Variants in PLAT observed in about 807,000 individuals in gnomAD.
PLAT encodes plasminogen activator, tissue type.
PLAT carries 48 observed loss-of-function variants against 74.9 expected under a neutral mutation model. The observed-to-expected ratio is 0.64, with a 90% CI of 0.51 to 0.82. The LOEUF is 0.82. Ranked by LOEUF, PLAT falls within the 40% of genes least tolerant of loss-of-function variation. The pLI is 0.00. For missense variants in PLAT, 673 were observed against 736.2 expected, an observed-to-expected ratio of 0.91 and a Z score of 0.99; for synonymous variants, 307 against 294.4, an observed-to-expected ratio of 1.04 and a Z score of -0.44.
chr8:42,184,560 A>T (rs1805375529), intron 7 of PLAT: 1 of 145,998 alleles, frequency 6.8e-6, no homozygotes, highest in Non-Finnish European at 1.5e-5. Flanking sequence ...GGGTTTCACC[A>T]TGTTGGCCAG....
At position 42,176,075 on chromosome 8, in the gene PLAT, C is replaced by A; in HGVS notation, c.1607G>T (p.Gly536Val). Residue 536 changes from glycine (G) to valine (V), a missense_variant, in exon 14 of 14, where the codon GGC (glycine) becomes GTC (valine). By Grantham distance (109) the Gly-to-Val change is moderately radical. Coordinates refer to ENST00000220809, the MANE Select transcript of PLAT (RefSeq NM_000930.5). ...ACCCGGGACATCCTTCTGTCCACAG[C>A]CCAGGCCCCAGCTGATGATGCCCAC... is the stretch of plus-strand genomic sequence containing the variant. ...TLVGIISWGL[G>V]CGQKDVPGVY... 6.2e-7 allele frequency: 1 copy of A among 1,614,038 alleles called. No individual in the cohort carries two copies. Among genetic ancestry groups the A allele is most frequent in the African/African-American group, 1.3e-5 (1 of 75,058 alleles).
intron 1 of PLAT, among the ~76,000 whole-genome samples, chr8:42,203,992 T>TATATATACACAC (rs1554499838): frequency 1.8e-5 from 2 of 109,890 alleles, no homozygotes; most frequent in African/African-American, 1.0e-4. Context: ...TATATATATA[T>TATATATACACAC]ACACACACAC....
At position 42,187,970 on chromosome 8, in the gene PLAT, G is replaced by A. The variant is rs202138190; in HGVS notation, c.300C>T (p.Ala100=). ...RCFNGGTCQQ[A]LYFSDFVCQC... ...GGCACACGAAATCTGAGAAGTACAG[G>A]GCCTGCTGGCAGGTGCCCCCGTTGA... Residue 100 remains alanine, a synonymous_variant, in exon 5 of 14, where the codon GCC becomes GCT. Coordinates refer to ENST00000220809, the MANE Select transcript of PLAT (RefSeq NM_000930.5). 74 of 1,613,830 alleles carry A rather than the reference G, an allele frequency of 4.6e-5. No individual in the cohort carries two copies. In the South Asian group the frequency reaches 7.0e-4, roughly 15 times the overall value.
chr8:42,190,574 C>T (rs1031411421), intron 3 of PLAT, among the ~76,000 whole-genome samples: 4 of 152,164 alleles, frequency 2.6e-5, no homozygotes, highest in Admixed American at 1.3e-4. Flanking sequence ...CCAGGATAAC[C>T]TGGTAGGAAG....
intron 1 of PLAT, among the ~76,000 whole-genome samples, chr8:42,206,199 G>C (rs1806324425): frequency 6.6e-6 from 1 of 152,200 alleles, no homozygotes; most frequent in African/African-American, 2.4e-5. Context: ...ATTTGCTCCT[G>C]AGATTTTGAT....
In PLAT at chr8:42,199,018, A is replaced by C. The variant is rs1046685145; in HGVS notation, c.-26-5807T>G. 1.5e-4 allele frequency among the ~76,000 whole-genome samples: 23 copies of C among 152,220 alleles called. 2 individuals carry two copies. Among genetic ancestry groups the C allele is most frequent in the Non-Finnish European group, 1.5e-5 (1 of 68,050 alleles). On this transcript the variant is annotated intron_variant, in intron 1 of 13. Coordinates refer to ENST00000220809, the MANE Select transcript of PLAT (RefSeq NM_000930.5). ...GCTGGGAGAGGAACTAGCCTTGGAAAGGGTGGCGTGCTCCCACGAAAGCAA... is the reference window on the plus strand; with the variant it reads ...GCTGGGAGAGGAACTAGCCTTGGAACGGGTGGCGTGCTCCCACGAAAGCAA...
intron 5 of PLAT, 113 bp from the exon 6 acceptor site, chr8:42,187,685 A>G: frequency 9.3e-7 from 1 of 1,078,172 alleles, no homozygotes; most frequent in Non-Finnish European, 1.3e-6. Context: ...GCTGGCTCGG[A>G]AGCCACAGGC....
Position 42,175,884 on chromosome 8 carries a change from G to A in PLAT, c.*109C>T, listed in dbSNP as rs148430376. 72 of 1,025,976 alleles carry A rather than the reference G, an allele frequency of 7.0e-5. No individual in the cohort carries two copies. The highest frequency in any genetic ancestry group is 2.3e-4 in the Middle Eastern group (1 of 4,358). The allele number at this position is 1,025,976 out of a possible 1,614,324, so 63.6% of individuals were successfully genotyped here. A position where few individuals can be genotyped will look rare whatever the true frequency, so the allele number is the denominator to read the frequency against. On this transcript the variant is annotated 3_prime_UTR_variant, in exon 14 of 14. Coordinates refer to ENST00000220809, the MANE Select transcript of PLAT (RefSeq NM_000930.5). ...CTGTAGGGTCTCGTCCCGCTTCTGC[G>A]GTGTGGTGGGTCTGGAGAAGTCTGT...
intron 12 of PLAT, 129 bp downstream of exon 12, chr8:42,179,797 G>C (rs1167938768): frequency 1.1e-5 from 10 of 904,018 alleles, no homozygotes; most frequent in African/African-American, 1.9e-5. Context: ...GACACAGGGA[G>C]ACGGGACTGG....
chr8:42,182,272 A>C, intron 8 of PLAT: 2 of 413,046 alleles, frequency 4.8e-6, no homozygotes, highest in Non-Finnish European at 9.0e-6. Context: ...TCAGTCAACC[A>C]ATGAAAACCA....
chr8:42,191,877 C>T (rs1035727371), intron 2 of PLAT, among the ~76,000 whole-genome samples: 6 of 151,962 alleles, frequency 3.9e-5, no homozygotes, highest in Middle Eastern at 3.2e-3. Flanking sequence ...TTTGGACTTC[C>T]GTGAGGCCCT....
rs139638584 is a variant in PLAT, at chr8:42,193,152, G to T, written c.34C>A (p.Leu12Met). ...ACGAAGACTGCTCCACACAGCAGCA[G>T]CACACAGCAGAGCCCTCTCTTCATT... ...DAMKRGLCCVLLLCGAVFVSP... is the reference protein window; with the variant it reads ...DAMKRGLCCVMLLCGAVFVSP... The change falls in exon 2 of 14, where the codon CTG becomes ATG. Residue 12 changes from leucine (L) to methionine (M), a missense_variant. Coordinates refer to ENST00000220809, the MANE Select transcript of PLAT (RefSeq NM_000930.5). 4.1e-5 allele frequency: 66 copies of T among 1,613,700 alleles called. No homozygotes were observed. In the African/African-American group the frequency reaches 7.2e-4, roughly 18 times the overall value.
chr8:42,184,738 G>A (rs557972959), intron 7 of PLAT: 53 of 165,936 alleles, frequency 3.2e-4, no homozygotes, highest in Admixed American at 5.3e-4. Flanking sequence ...GAGAGGGAGC[G>A]AAAGAGAGAC....
intron 12 of PLAT, among the ~76,000 whole-genome samples, chr8:42,179,404 A>G (rs1805119633): frequency 6.6e-6 from 1 of 152,168 alleles, no homozygotes; most frequent in Non-Finnish European, 1.5e-5. Flanking sequence ...TGTAACAACC[A>G]AAAACGTCTC....
chr8:42,192,977 T>G (rs544384423), intron 2 of PLAT, 137 bp downstream of exon 2: 2 of 643,740 alleles, frequency 3.1e-6, no homozygotes, highest in East Asian at 5.4e-5. Context: ...TCCACAGCAA[T>G]GCCAGCCCCT....
chr8:42,175,960 C>G lies in PLAT; in HGVS notation c.*33G>C, dbSNP rs1305836950. 8 of 1,609,454 alleles carry G rather than the reference C, an allele frequency of 5.0e-6. No homozygotes were observed. The highest frequency in any genetic ancestry group is 6.8e-6 in the Non-Finnish European group (8 of 1,176,498). On this transcript the variant is annotated 3_prime_UTR_variant, in exon 14 of 14. Coordinates refer to ENST00000220809, the MANE Select transcript of PLAT (RefSeq NM_000930.5). ...TCTTCTGAAGAAGAAGAGGCGGGAT[C>G]TCATTTGCTTTTGAGGAGTCGGGTG... is the stretch of plus-strand genomic sequence containing the variant.
At chr8:42,177,876 C>T (rs573266232) in intron 13 of PLAT, among the ~76,000 whole-genome samples, 2 of 152,198 alleles carry the variant, frequency 1.3e-5, no homozygotes, top group Non-Finnish European at 2.9e-5. Flanking sequence ...CCCACACATC[C>T]TTCAGCACCA....
intron 7 of PLAT, among the ~76,000 whole-genome samples, chr8:42,183,937 C>T (rs943980725): frequency 2.0e-5 from 3 of 151,944 alleles, no homozygotes; most frequent in African/African-American, 7.3e-5. Flanking sequence ...CACACACCCA[C>T]ACACATATTT....
chr8:42,189,595 T>A (rs529368355), intron 3 of PLAT, among the ~76,000 whole-genome samples: 4 of 151,688 alleles, frequency 2.6e-5, no homozygotes, highest in South Asian at 4.2e-4. Flanking sequence ...TTATTTATTA[T>A]TTATTTATTA....
Sources: gnomAD v4.1 joint callset for allele counts (sites outside exome capture counted in the v4.1 genomes callset) on GRCh38, gnomAD v4.1.1 for gene constraint, MANE v1.5 for transcripts, NCBI Gene and HGNC (gene_info 2026-07-23, HGNC 2026-07-21) for gene names.